The following LARP1B variants were observed in gnomAD, a reference collection of about 807,000 sequenced individuals.
The protein encoded by LARP1B is la-related protein 1B.
Under a neutral mutation model 114.2 loss-of-function variants are expected in LARP1B, and 76 were observed. The ratio of observed to expected loss-of-function variants is 0.67; its 90% CI spans 0.55 to 0.81. The LOEUF is 0.81. LARP1B is among the 30% of genes least tolerant of loss of function. The pLI is 0.00. For synonymous variants in LARP1B, 345 were observed against 348.0 expected, an observed-to-expected ratio of 0.99 and a Z score of 0.10; for missense variants, 1,014 against 1,075.8, an observed-to-expected ratio of 0.94 and a Z score of 0.80.
At chr4:128,085,866 G>A (rs1213187002) in intron 5 of LARP1B, among the ~76,000 whole-genome samples, 2 of 152,114 alleles carry the variant, frequency 1.3e-5, no homozygotes, top group Admixed American at 6.5e-5. Context: ...TATAGTAGCT[G>A]TATATTTAAC....
chr4:128,155,750 A>T, intron 11 of LARP1B: 1 of 1,608,324 alleles, frequency 6.2e-7, no homozygotes, highest in South Asian at 1.1e-5. Flanking sequence ...GCTGCGGCCA[A>T]GTGTAGGAAC....
chr4:128,088,202 T>TG (rs202208102), intron 5 of LARP1B, among the ~76,000 whole-genome samples: 85,869 of 145,720 alleles, frequency 0.59, 25,553 homozygotes, highest in Middle Eastern at 0.8. Flanking sequence ...AAATCAATAA[T>TG]AATGATGATG....
At chr4:128,128,709 A>G (rs1003630455) in intron 11 of LARP1B, among the ~76,000 whole-genome samples, 21 of 152,218 alleles carry the variant, frequency 1.4e-4, no homozygotes, top group African/African-American at 4.1e-4. Context: ...TGCTTTCACA[A>G]CATTGTAAAG....
At chr4:128,174,047 A>G (rs954781849) in intron 12 of LARP1B, among the ~76,000 whole-genome samples, 1 of 152,184 alleles carries the variant, frequency 6.6e-6, no homozygotes, top group Admixed American at 6.5e-5. Context: ...GTTTCACTTA[A>G]CATAATATTT....
chr4:128,110,939 TG>T lies in LARP1B; in HGVS notation c.989-3626del, dbSNP rs557491753. 7.2e-4 allele frequency among the ~76,000 whole-genome samples: 109 copies of T among 151,944 alleles called. No homozygotes were observed. The South Asian group carries it at 0.022, about 30-fold the overall frequency. On this transcript the variant is annotated intron_variant, in intron 9 of 19. Transcript: ENST00000326639. ...TAATTTTATAAGAAGCATCTGAGTG[TG>T]GGGGTGTACACCTGTAGCCCAGCTA...
intron 5 of LARP1B, among the ~76,000 whole-genome samples, chr4:128,084,612 G>T (rs988707555): frequency 1.3e-5 from 2 of 152,008 alleles, no homozygotes; most frequent in Admixed American, 6.5e-5. Flanking sequence ...GAGGGAGACC[G>T]AGAGGGAGAG....
chr4:128,128,418 A>G (rs1790355711), intron 11 of LARP1B, among the ~76,000 whole-genome samples: 1 of 152,242 alleles, frequency 6.6e-6, no homozygotes, highest in Non-Finnish European at 1.5e-5. Context: ...ACTGAAATGT[A>G]TTTAGTACAC....
At chr4:128,073,422 A>G in intron 1 of LARP1B, among the ~76,000 whole-genome samples, 2 of 12,000 alleles carry the variant, frequency 1.7e-4, no homozygotes, top group East Asian at 5.8e-3. Flanking sequence ...CCGTCTCAAA[A>G]AAAAAAAAAA....
intron 11 of LARP1B, among the ~76,000 whole-genome samples, chr4:128,159,616 A>G (rs1288422488): frequency 6.6e-6 from 1 of 152,342 alleles, no homozygotes; most frequent in Non-Finnish European, 1.5e-5. Flanking sequence ...GTTGCAGTTC[A>G]TGAACCTACC....
At chr4:128,213,862 G>T (rs532704602), downstream of LARP1B, among the ~76,000 whole-genome samples, 1 of 151,296 alleles carries the variant, frequency 6.6e-6, no homozygotes, top group African/African-American at 2.4e-5. Flanking sequence ...CGCAGAAGAC[G>T]GGTGATTTCT....
intron 1 of LARP1B, among the ~76,000 whole-genome samples, chr4:128,073,630 G>A (rs11938305): frequency 3.3e-5 from 3 of 92,216 alleles, no homozygotes; most frequent in Non-Finnish European, 5.8e-5. Flanking sequence ...TAGCTCTGTC[G>A]CCCCAGCTGG....
At chr4:128,063,788 A>G (rs77295997) in intron 1 of LARP1B, among the ~76,000 whole-genome samples, 3 of 152,168 alleles carry the variant, frequency 2.0e-5, no homozygotes, top group African/African-American at 7.2e-5. Flanking sequence ...TCAAAAAAAA[A>G]CACAAAAAAA....
intron 3 of LARP1B, among the ~76,000 whole-genome samples, chr4:128,076,105 C>CCGGGTTTAAGTGATTCTCCTGCCT (rs1244828281): frequency 6.6e-6 from 1 of 152,116 alleles, no homozygotes. Context: ...CCTCCGCCTC[C>CCGGGTTTAAGTGATTCTCCTGCCT]CGGGTTTAAG....
rs772209705 is a variant in LARP1B, at chr4:128,207,241, A to G, written c.2420-15A>G. 1 of 1,237,104 alleles carries G rather than the reference A, an allele frequency of 8.1e-7. No individual in the cohort carries two copies. The highest frequency in any genetic ancestry group is 2.7e-5 in the Admixed American group (1 of 36,612). The allele number at this position is 1,237,104 out of a possible 1,614,324, so 76.6% of individuals were successfully genotyped here. A position where few individuals can be genotyped will look rare whatever the true frequency, so the allele number is the denominator to read the frequency against. On this transcript the variant is annotated splice_polypyrimidine_tract_variant and intron_variant, in intron 18 of 19. Coordinates refer to ENST00000326639, the MANE Select transcript of LARP1B (RefSeq NM_018078.4). ...TTTCATATAATTCATAATGTATATT[A>G]TTCTTTGTTATTAGGTCAGCTGTAT... is the stretch of plus-strand genomic sequence containing the variant.
chr4:128,170,059 T>C (rs1742891606), intron 12 of LARP1B, among the ~76,000 whole-genome samples: 1 of 152,218 alleles, frequency 6.6e-6, no homozygotes, highest in Non-Finnish European at 1.5e-5. Context: ...ACTTCCTCTT[T>C]ATGGATTATT....
Position 128,210,052 on chromosome 4 carries a change from A to G in LARP1B, c.2744A>G (p.Ter915=). Residue 915 remains the stop codon, a stop_retained_variant, in exon 20 of 20, where the codon TAA becomes TGA. Coordinates refer to ENST00000326639, the MANE Select transcript of LARP1B (RefSeq NM_018078.4). ...CCGGAGTCCAGTGACAATTCACATTAAACAGTGCTGCCTGTGTCCTGTGGT... is the reference window on the plus strand; with the variant it reads ...CCGGAGTCCAGTGACAATTCACATTGAACAGTGCTGCCTGTGTCCTGTGGT... ...ISPESSDNSH[*] The G allele has an allele frequency of 1.2e-6, 2 of 1,613,980 alleles. No homozygotes were observed. The highest frequency in any genetic ancestry group is 1.7e-6 in the Non-Finnish European group (2 of 1,179,860).
chr4:128,189,262 C>CTTT (rs71587374), intron 15 of LARP1B, among the ~76,000 whole-genome samples: 4 of 85,834 alleles, frequency 4.7e-5, no homozygotes, highest in East Asian at 3.4e-4. Flanking sequence ...CTTCCGTGTC[C>CTTT]TTTTTTTTTT....
At chr4:128,099,099 T>G (rs1170227888) in intron 8 of LARP1B, among the ~76,000 whole-genome samples, 1 of 151,568 alleles carries the variant, frequency 6.6e-6, no homozygotes, top group Non-Finnish European at 1.5e-5. Context: ...GAAAGGCTAA[T>G]TTCAAATAGT....
At chr4:128,065,329 CT>C (rs1179965747) in intron 1 of LARP1B, among the ~76,000 whole-genome samples, 5,047 of 105,586 alleles carry the variant, frequency 0.048, 320 homozygotes, top group South Asian at 0.083. Context: ...CTCTCTCTCT[CT>C]CTTTCCTTTC....
Sources: allele counts gnomAD v4.1 joint callset (sites outside exome capture counted in the v4.1 genomes callset), GRCh38; gene constraint gnomAD v4.1.1; transcripts MANE v1.5; gene names NCBI Gene and HGNC (gene_info 2026-07-23, HGNC 2026-07-21).